SLC17A1: variants seen among roughly 807,000 people sequenced by gnomAD.
SLC17A1 encodes sodium-dependent phosphate transport protein 1.
A neutral mutation model predicts 53.5 loss-of-function variants in SLC17A1; 51 were observed. That is an observed-to-expected ratio of 0.95 (90% confidence interval 0.76 to 1.20). The LOEUF (loss-of-function observed/expected upper bound fraction) is 1.20. Ranked by LOEUF, SLC17A1 falls within the 50% of genes most tolerant of loss-of-function variation. The probability of loss-of-function intolerance (pLI) is 0.00; values close to 1 mark genes in which losing one functional copy is unlikely to be tolerated. For missense variants in SLC17A1, 538 were observed against 568.2 expected (o/e 0.95, Z 0.54); for synonymous variants, 179 against 198.8 (o/e 0.90, Z 0.84).
the SLC17A1 span, among the ~76,000 whole-genome samples, chr6:25,725,953 A>G: frequency 2.0e-5 from 3 of 152,222 alleles, no homozygotes; most frequent in African/African-American, 7.2e-5. Flanking sequence ...TTGAAAATTC[A>G]GTCCCCGTAC....
chr6:25,798,704 G>A (rs1165215), intron 12 of SLC17A1, 79 bp downstream of exon 12: 790,717 of 1,335,000 alleles, frequency 0.59, 240,346 homozygotes, highest in African/African-American at 0.88. Context: ...ATTCCTTCTC[G>A]TCTGAGGAGT....
the SLC17A1 span, among the ~76,000 whole-genome samples, chr6:25,760,428 C>T: frequency 6.6e-6 from 1 of 152,070 alleles, no homozygotes; most frequent in East Asian, 1.9e-4. Context: ...CCTGCAGTAT[C>T]CTTAAATATG....
chr6:25,819,919 A>C lies in SLC17A1; in HGVS notation c.208-4T>G. 6.3e-7 allele frequency: 1 copy of C among 1,581,422 alleles called. No homozygotes were observed. Among genetic ancestry groups the C allele is most frequent in the Non-Finnish European group, 8.7e-7 (1 of 1,155,990 alleles). On this transcript the variant is annotated splice_polypyrimidine_tract_variant and splice_region_variant and intron_variant, in intron 3 of 12. Transcript: ENST00000244527. The stretch of plus-strand genomic sequence containing the variant: ...GGCTCCAATTATACATAGGGTTCTA[A>C]AAGACAAGGGGGGACATGTCGAATC...
chr6:25,807,556 A>G (rs1297562166), intron 10 of SLC17A1, among the ~76,000 whole-genome samples: 1 of 152,044 alleles, frequency 6.6e-6, no homozygotes, highest in African/African-American at 2.4e-5. Context: ...TGGTGCACCC[A>G]TCATCTGAGC....
chr6:25,774,205 T>C, the SLC17A1 span, among the ~76,000 whole-genome samples: 1 of 152,164 alleles, frequency 6.6e-6, no homozygotes, highest in South Asian at 2.1e-4. Context: ...AAGTATAACA[T>C]AGAGAAAGAA....
the SLC17A1 span, among the ~76,000 whole-genome samples, chr6:25,728,368 C>T: frequency 2.0e-5 from 3 of 152,282 alleles, no homozygotes; most frequent in East Asian, 5.8e-4. Flanking sequence ...AGCTCCCAAG[C>T]ATTAAACTGA....
At chr6:25,757,711 A>G in the SLC17A1 span, among the ~76,000 whole-genome samples, 2 of 152,262 alleles carry the variant, frequency 1.3e-5, no homozygotes, top group East Asian at 3.9e-4. Context: ...AGCAAGAAGC[A>G]GGAAGTGTCT....
At chr6:25,803,091 C>T (rs1429379318) in intron 10 of SLC17A1, among the ~76,000 whole-genome samples, 3 of 151,282 alleles carry the variant, frequency 2.0e-5, no homozygotes, top group African/African-American at 4.9e-5. Context: ...GGACTACAGG[C>T]GCCCACCACC....
At chr6:25,761,788 G>A in the SLC17A1 span, 1 of 558,882 alleles carries the variant, frequency 1.8e-6, no homozygotes, top group Non-Finnish European at 3.1e-6. Flanking sequence ...GATAGAGCCA[G>A]GATGACAAGT....
downstream of SLC17A1, chr6:25,781,071 GCATGGATGAGTCATC>G (rs1020133263): frequency 2.0e-5 from 3 of 151,992 alleles, no homozygotes; most frequent in African/African-American, 7.3e-5. Flanking sequence ...TACAATTTTT[GCATGGATGAGTCATC>G]CATGGGTGAA....
At chr6:25,727,148 A>G in the SLC17A1 span, 3 of 1,614,202 alleles carry the variant, frequency 1.9e-6, no homozygotes, top group Admixed American at 1.7e-5. Context: ...GCGAGGCATC[A>G]CGTTTGGCTC....
At chr6:25,759,817 T>A in the SLC17A1 span, among the ~76,000 whole-genome samples, 1 of 152,370 alleles carries the variant, frequency 6.6e-6, no homozygotes, top group East Asian at 1.9e-4. Context: ...TGTTTACCTG[T>A]CTTTTAAATC....
the SLC17A1 span, among the ~76,000 whole-genome samples, chr6:25,750,150 G>A: frequency 6.6e-6 from 1 of 152,210 alleles, no homozygotes; most frequent in Admixed American, 6.5e-5. Flanking sequence ...ATTGGCTTCA[G>A]GGATGGGATA....
At chr6:25,775,844 G>A in the SLC17A1 span, among the ~76,000 whole-genome samples, 2 of 152,054 alleles carry the variant, frequency 1.3e-5, no homozygotes, top group Non-Finnish European at 2.9e-5. Flanking sequence ...GTAATATGCC[G>A]CTATGCTTAT....
chr6:25,728,839 T>A, the SLC17A1 span, among the ~76,000 whole-genome samples: 2 of 152,148 alleles, frequency 1.3e-5, no homozygotes, highest in African/African-American at 4.8e-5. Context: ...AATATATCAA[T>A]GTATAACAAG....
At chr6:25,749,201 C>T in the SLC17A1 span, among the ~76,000 whole-genome samples, 299 of 152,274 alleles carry the variant, frequency 2.0e-3, 4 homozygotes, top group African/African-American at 6.9e-3. Flanking sequence ...GTGCATTGTG[C>T]CCCTGGTTTA....
chr6:25,754,455 A>G, the SLC17A1 span, among the ~76,000 whole-genome samples: 5 of 152,182 alleles, frequency 3.3e-5, no homozygotes, highest in African/African-American at 1.2e-4. Flanking sequence ...GAGACCCCAG[A>G]AGGGGATAGT....
the SLC17A1 span, chr6:25,732,194 A>G: frequency 1.3e-5 from 5 of 374,526 alleles, no homozygotes; most frequent in Non-Finnish European, 2.5e-5. Context: ...GGAGATCACT[A>G]ACTGATGTTT....
chr6:25,738,593 C>T, the SLC17A1 span, among the ~76,000 whole-genome samples: 1 of 151,722 alleles, frequency 6.6e-6, no homozygotes, highest in East Asian at 1.9e-4. Context: ...AAGAAAAAAA[C>T]GACAGGCTGC....
Sources: allele counts gnomAD v4.1 joint callset (sites outside exome capture counted in the v4.1 genomes callset), GRCh38; gene constraint gnomAD v4.1.1; transcripts MANE v1.5; gene names NCBI Gene and HGNC (gene_info 2026-07-23, HGNC 2026-07-21).